TENT5D: variants seen among roughly 807,000 people sequenced by gnomAD.
The protein encoded by TENT5D is cancer/testis antigen 112.
For synonymous variants in TENT5D, 103 were observed against 100.6 expected (o/e 1.02, Z -0.15); for missense variants, 191 against 287.0 (o/e 0.67, Z 2.42).
chrX:80,408,691 C>G (rs1318316631), intron 3 of TENT5D, among the ~76,000 whole-genome samples: 1 of 111,128 alleles, frequency 9.0e-6, no homozygotes, highest in African/African-American at 3.3e-5. Context: ...TGGTACCATT[C>G]CTTCTGAAAC....
chrX:80,345,631 A>G (rs1216542705), intron 3 of TENT5D, among the ~76,000 whole-genome samples: 5 of 111,728 alleles, frequency 4.5e-5, no homozygotes, highest in African/African-American at 1.3e-4. Flanking sequence ...TTCCAAACAT[A>G]TGAGTGATTG....
chrX:80,392,654 G>C (rs939814303), intron 3 of TENT5D, among the ~76,000 whole-genome samples: 36 of 103,599 alleles, frequency 3.5e-4, no homozygotes, highest in South Asian at 4.6e-4. Context: ...GTAGCTGGGA[G>C]TACAGGCGCC....
At chrX:80,421,544 G>A (rs1931883740) in intron 1 of TENT5D, among the ~76,000 whole-genome samples, 1 of 112,188 alleles carries the variant, frequency 8.9e-6, no homozygotes, top group African/African-American at 3.2e-5. Flanking sequence ...TCCTCTAGTA[G>A]AACAATTTAA....
In TENT5D at chrX:80,398,157, C is replaced by G. The variant is rs971604685; in HGVS notation, c.-141-40453C>G. 3.3e-4 allele frequency among the ~76,000 whole-genome samples: 37 copies of G among 111,978 alleles called. 1 individual carries two copies. The highest frequency in any genetic ancestry group is 1.3e-4 in the Non-Finnish European group (7 of 53,148). On this transcript the variant is annotated intron_variant, in intron 3 of 4. Transcript: ENST00000538312. The stretch of plus-strand genomic sequence containing the variant: ...TATTATGATTTTGATTTTCATTTCC[C>G]TGTTGATCAGTGATGTTGAACATTT...
At chrX:80,437,220 C>T (rs771281813) in intron 1 of TENT5D, among the ~76,000 whole-genome samples, 1 of 112,113 alleles carries the variant, frequency 8.9e-6, no homozygotes, top group South Asian at 3.7e-4. Flanking sequence ...AAACAGTAGA[C>T]ATCTTACATT....
intron 3 of TENT5D, among the ~76,000 whole-genome samples, chrX:80,407,318 G>C (rs1293167704): frequency 9.0e-6 from 1 of 110,985 alleles, no homozygotes; most frequent in Non-Finnish European, 1.9e-5. Context: ...ATTGGATAAA[G>C]AGTCAAGACC....
intron 3 of TENT5D, among the ~76,000 whole-genome samples, chrX:80,398,308 G>A (rs193059359): frequency 8.9e-6 from 1 of 112,004 alleles, no homozygotes; most frequent in Non-Finnish European, 1.9e-5. Context: ...TTAATCCCCT[G>A]TCAGATGAGT....
At chrX:80,401,483 G>A (rs939221616) in intron 3 of TENT5D, among the ~76,000 whole-genome samples, 6 of 111,361 alleles carry the variant, frequency 5.4e-5, no homozygotes. Context: ...TCCTTATCTC[G>A]TTCATGATCT....
At chrX:80,343,437 G>A (rs1418897110) in intron 3 of TENT5D, among the ~76,000 whole-genome samples, 1 of 89,242 alleles carries the variant, frequency 1.1e-5, no homozygotes, top group African/African-American at 4.4e-5. Context: ...CACTCTTGTC[G>A]CCCTGGCTGG....
chrX:80,372,186 G>C (rs749949994), intron 3 of TENT5D, among the ~76,000 whole-genome samples: 1 of 111,230 alleles, frequency 9.0e-6, no homozygotes, highest in Non-Finnish European at 1.9e-5. Flanking sequence ...ATTAAGTATG[G>C]TTTAAGGAGA....
chrX:80,407,779 C>T (rs1412685323), intron 3 of TENT5D, among the ~76,000 whole-genome samples: 1 of 107,102 alleles, frequency 9.3e-6, no homozygotes, highest in Non-Finnish European at 1.9e-5. Context: ...ACTCTCCACC[C>T]CAAATCAACA....
chrX:80,420,314 A>T (rs932466426), upstream of TENT5D, among the ~76,000 whole-genome samples: 3 of 109,800 alleles, frequency 2.7e-5, no homozygotes, highest in Admixed American at 2.0e-4. Flanking sequence ...CTAGTATAAC[A>T]TTGTCTTTTT....
intron 3 of TENT5D, among the ~76,000 whole-genome samples, chrX:80,400,063 A>C (rs1278747274): frequency 9.0e-6 from 1 of 111,412 alleles, no homozygotes; most frequent in African/African-American, 3.3e-5. Context: ...GGATGCAAGT[A>C]GCATGACTCA....
At chrX:80,359,129 G>T (rs956500546) in intron 3 of TENT5D, among the ~76,000 whole-genome samples, 2 of 112,213 alleles carry the variant, frequency 1.8e-5, no homozygotes, top group Non-Finnish European at 3.8e-5. Context: ...AGTTAGAATG[G>T]CAATCATTGA....
chrX:80,373,073 T>A lies in TENT5D; in HGVS notation c.-142+30509T>A, dbSNP rs904482318. On this transcript the variant is annotated intron_variant, in intron 3 of 4. Transcript: ENST00000538312. ...TATACCTACACGACTGTCACTAGTA[T>A]TGCAAAAATATGTATGTTGCTATTG... Among the ~76,000 whole-genome samples the A allele has an allele frequency of 2.7e-5, 3 of 111,112 alleles. No individual in the cohort carries two copies. The Admixed American group carries it at 2.9e-4, about 11-fold the overall frequency.
intron 3 of TENT5D, among the ~76,000 whole-genome samples, chrX:80,374,142 A>C (rs138942161): frequency 1.8e-5 from 2 of 111,166 alleles, no homozygotes; most frequent in Admixed American, 9.6e-5. Flanking sequence ...ATGACCTCCA[A>C]TTCCAACCAT....
intron 3 of TENT5D, among the ~76,000 whole-genome samples, chrX:80,370,583 T>G (rs2147526126): frequency 8.9e-6 from 1 of 112,451 alleles, no homozygotes; most frequent in Non-Finnish European, 1.9e-5. Flanking sequence ...TAAGTAATAT[T>G]TTAACATGAC....
chrX:80,389,413 C>T (rs1213273507), intron 3 of TENT5D, among the ~76,000 whole-genome samples: 1 of 112,010 alleles, frequency 8.9e-6, no homozygotes, highest in African/African-American at 3.2e-5. Flanking sequence ...TGGAGTTCAG[C>T]GGAGGGTTTC....
intron 3 of TENT5D, among the ~76,000 whole-genome samples, chrX:80,386,556 A>T (rs1435917137): frequency 9.1e-6 from 1 of 110,143 alleles, no homozygotes; most frequent in Non-Finnish European, 1.9e-5. Flanking sequence ...AAAGTATAAT[A>T]AAAAAAATAA....
Sources: allele counts gnomAD v4.1 joint callset (sites outside exome capture counted in the v4.1 genomes callset), GRCh38; gene constraint gnomAD v4.1.1; transcripts MANE v1.5; gene names NCBI Gene and HGNC (gene_info 2026-07-23, HGNC 2026-07-21).